Variants in MMP26 observed in about 807,000 individuals in gnomAD.
The protein encoded by MMP26 is matrix metallopeptidase 26, also known as matrix metalloproteinase-26.
In MMP26, 33 loss-of-function variants were observed where a neutral mutation model predicts 31.0. That is an observed-to-expected ratio of 1.06 (90% CI 0.81 to 1.42). The LOEUF (loss-of-function observed/expected upper bound fraction) is 1.42. MMP26 is among the 40% of genes most tolerant of loss of function. The pLI, the probability that MMP26 is intolerant of heterozygous loss-of-function variation, is 0.00. For synonymous variants in MMP26, 122 were observed against 114.9 expected, an observed-to-expected ratio of 1.06 and a Z score of -0.40; for missense variants, 347 against 316.1, an observed-to-expected ratio of 1.10 and a Z score of -0.74.
At chr11:4,835,353 T>C (rs1564790829) in intron 2 of MMP26, among the ~76,000 whole-genome samples, 1 of 152,170 alleles carries the variant, frequency 6.6e-6, no homozygotes, top group African/African-American at 2.4e-5. Context: ...CCACCTTCTG[T>C]GTACCACTGT....
intron 1 of MMP26, among the ~76,000 whole-genome samples, chr11:4,758,780 C>A (rs1564902673): frequency 1.3e-5 from 2 of 151,870 alleles, no homozygotes; most frequent in Admixed American, 6.6e-5. Context: ...ATATAACATT[C>A]AATTGAATAA....
At chr11:4,722,461 A>T (rs945388510) in intron 1 of MMP26, among the ~76,000 whole-genome samples, 5 of 142,152 alleles carry the variant, frequency 3.5e-5, no homozygotes, top group African/African-American at 1.3e-4. Context: ...CTAAGGCGTG[A>T]AGTAATTACT....
intron 1 of MMP26, chr11:4,712,068 A>G (rs949365114): frequency 9.9e-5 from 15 of 152,208 alleles, no homozygotes; most frequent in African/African-American, 3.6e-4. Flanking sequence ...GAATTGATGT[A>G]TCTCGCACAG....
chr11:4,748,112 G>A (rs1386575938), intron 1 of MMP26, among the ~76,000 whole-genome samples: 1 of 151,872 alleles, frequency 6.6e-6, no homozygotes, highest in Non-Finnish European at 1.5e-5. Flanking sequence ...TGAAAAAGGA[G>A]ACATTACAAT....
At chr11:4,771,095 C>T (rs1467369457) in intron 2 of MMP26, among the ~76,000 whole-genome samples, 1 of 151,988 alleles carries the variant, frequency 6.6e-6, no homozygotes, top group Non-Finnish European at 1.5e-5. Flanking sequence ...TAGGCCATGT[C>T]TAAAGAAGGG....
At chr11:4,979,247 G>A (rs1446177731) in intron 2 of MMP26, among the ~76,000 whole-genome samples, 1 of 152,082 alleles carries the variant, frequency 6.6e-6, no homozygotes, top group African/African-American at 2.4e-5. Context: ...CAGAGAATTT[G>A]CGAGCCCTTG....
At chr11:4,781,602 A>AAAAAAC in intron 2 of MMP26, among the ~76,000 whole-genome samples, 1 of 65,066 alleles carries the variant, frequency 1.5e-5, no homozygotes, top group South Asian at 3.3e-4. Context: ...AAAAAAAAAA[A>AAAAAAC]AAAAACTGAT....
intron 2 of MMP26, among the ~76,000 whole-genome samples, chr11:4,979,580 T>A (rs971429547): frequency 5.9e-5 from 9 of 152,094 alleles, no homozygotes; most frequent in Admixed American, 5.9e-4. Context: ...TGAAATTGCC[T>A]CCAAATGTCT....
At chr11:4,931,021 C>G (rs1400688193) in intron 2 of MMP26, among the ~76,000 whole-genome samples, 1 of 151,758 alleles carries the variant, frequency 6.6e-6, no homozygotes, top group Non-Finnish European at 1.5e-5. Context: ...GAAATTAATA[C>G]TATTGTATTA....
At chr11:4,797,351 T>G (rs556776688) in intron 2 of MMP26, among the ~76,000 whole-genome samples, 4 of 152,336 alleles carry the variant, frequency 2.6e-5, no homozygotes, top group African/African-American at 9.6e-5. Flanking sequence ...CACATCCCAG[T>G]TGGCCCACAG....
intron 1 of MMP26, among the ~76,000 whole-genome samples, chr11:4,717,700 A>AT (rs1490736922): frequency 6.6e-6 from 1 of 152,108 alleles, no homozygotes; most frequent in Non-Finnish European, 1.5e-5. Flanking sequence ...CTCTGCTGAG[A>AT]TTTTCACATA....
At chr11:4,708,568 A>C (rs1429128972) in intron 1 of MMP26, among the ~76,000 whole-genome samples, 1 of 152,240 alleles carries the variant, frequency 6.6e-6, no homozygotes, top group Non-Finnish European at 1.5e-5. Flanking sequence ...ATGCATGAGT[A>C]AGTAAAAGGG....
chr11:4,756,086 G>A (rs889776984), intron 1 of MMP26, among the ~76,000 whole-genome samples: 1 of 151,918 alleles, frequency 6.6e-6, no homozygotes, highest in Non-Finnish European at 1.5e-5. Flanking sequence ...GCATCATATA[G>A]CATTATGGAA....
chr11:4,755,705 C>A (rs576976831), intron 1 of MMP26, among the ~76,000 whole-genome samples: 2 of 152,100 alleles, frequency 1.3e-5, no homozygotes, highest in South Asian at 4.2e-4. Flanking sequence ...TGAATGTTAT[C>A]TGTAGGCTGC....
intron 2 of MMP26, among the ~76,000 whole-genome samples, chr11:4,871,043 G>T (rs1455453606): frequency 1.3e-5 from 2 of 151,986 alleles, no homozygotes; most frequent in Non-Finnish European, 2.9e-5. Flanking sequence ...TAAAGTAGGA[G>T]GAAACATCAA....
chr11:4,928,645 T>C (rs1439022870), intron 2 of MMP26, among the ~76,000 whole-genome samples: 1 of 152,166 alleles, frequency 6.6e-6, no homozygotes, highest in Non-Finnish European at 1.5e-5. Context: ...TCTCAGATTT[T>C]TTAATTTTTA....
intron 2 of MMP26, among the ~76,000 whole-genome samples, chr11:4,974,140 G>C (rs1293289415): frequency 6.6e-6 from 1 of 151,644 alleles, no homozygotes; most frequent in African/African-American, 2.4e-5. Context: ...ATTATAACAG[G>C]TACAAGTCCT....
intron 2 of MMP26, chr11:4,882,133 G>A (rs1564799650): frequency 2.5e-6 from 4 of 1,613,676 alleles, no homozygotes; most frequent in South Asian, 2.2e-5. Context: ...TGACCATTAC[G>A]ACCCTTCCCA....
At chr11:4,936,626 G>A (rs11034727) in intron 2 of MMP26, among the ~76,000 whole-genome samples, 7,840 of 152,170 alleles carry the variant, frequency 0.052, 331 homozygotes, top group East Asian at 0.19. Flanking sequence ...TCTAGAGAGT[G>A]GGTATAATTA....
Sources: gnomAD v4.1 joint callset for allele counts (sites outside exome capture counted in the v4.1 genomes callset) on GRCh38, gnomAD v4.1.1 for gene constraint, MANE v1.5 for transcripts, NCBI Gene and HGNC (gene_info 2026-07-23, HGNC 2026-07-21) for gene names.